The following DSCAM variants were observed in gnomAD, a reference collection of about 807,000 sequenced individuals.
DSCAM encodes the protein cell adhesion molecule DSCAM.
In DSCAM, 47 loss-of-function variants were observed where a neutral mutation model predicts 217.7. That is an observed-to-expected ratio of 0.22 (90% CI 0.17 to 0.28). The LOEUF is 0.28. Ranked by LOEUF, DSCAM falls within the 10% of genes least tolerant of loss-of-function variation. The pLI is 1.00. For missense variants in DSCAM, 2,080 were observed against 2,618.3 expected (o/e 0.79, Z 4.49); for synonymous variants, 1,056 against 1,015.3 (o/e 1.04, Z -0.76).
At chr21:40,657,168 A>G (rs1279960718) in intron 3 of DSCAM, among the ~76,000 whole-genome samples, 1 of 152,160 alleles carries the variant, frequency 6.6e-6, no homozygotes, top group African/African-American at 2.4e-5. Context: ...TCCTAGGTGG[A>G]TATCTTTCTG....
At chr21:40,322,778 G>A (rs996051911) in intron 8 of DSCAM, among the ~76,000 whole-genome samples, 2 of 152,158 alleles carry the variant, frequency 1.3e-5, no homozygotes, top group Non-Finnish European at 2.9e-5. Flanking sequence ...ACCCGCCTCG[G>A]CCTCCCAAAG....
intron 3 of DSCAM, among the ~76,000 whole-genome samples, chr21:40,403,629 GCACACACACA>G (rs3069908): frequency 0.011 from 1,629 of 145,884 alleles, 21 homozygotes; most frequent in East Asian, 0.026. Flanking sequence ...GCATGCATGT[GCACACACACA>G]CACACACACA....
intron 1 of DSCAM, among the ~76,000 whole-genome samples, chr21:40,833,276 T>G (rs1193465669): frequency 1.3e-5 from 2 of 151,968 alleles, no homozygotes; most frequent in Non-Finnish European, 2.9e-5. Flanking sequence ...TTCCCAGAGG[T>G]CTCTCCAGTC....
At position 40,807,990 on chromosome 21, in the gene DSCAM, C is replaced by T. The variant is rs559198348; in HGVS notation, c.43+38629G>A. 2.6e-5 allele frequency among the ~76,000 whole-genome samples: 4 copies of T among 152,252 alleles called. No homozygotes were observed. The East Asian group carries it at 5.8e-4, about 22-fold the overall frequency. ...AGATTCCTACTTCTGGGCCTAAGTA[C>T]ACATCTCCTCATCTGCTGAGTGTGT... On this transcript the variant is annotated intron_variant, in intron 1 of 32. Transcript: ENST00000400454.
chr21:40,048,712 G>A (rs1173363037), intron 30 of DSCAM, among the ~76,000 whole-genome samples: 1 of 152,186 alleles, frequency 6.6e-6, no homozygotes, highest in Non-Finnish European at 1.5e-5. Flanking sequence ...TGAGAAAATA[G>A]AGAATACAAA....
chr21:40,387,060 AT>A (rs2075092965), intron 3 of DSCAM, among the ~76,000 whole-genome samples: 1 of 152,172 alleles, frequency 6.6e-6, no homozygotes, highest in Non-Finnish European at 1.5e-5. Flanking sequence ...AAAACTAATT[AT>A]TTTGAAAACT....
intron 3 of DSCAM, among the ~76,000 whole-genome samples, chr21:40,623,562 T>C (rs1170695486): frequency 1.7e-4 from 26 of 152,348 alleles, no homozygotes; most frequent in East Asian, 1.9e-4. Context: ...AAAGGTGAAG[T>C]CTATCTGTAA....
chr21:40,389,557 C>A (rs2075115648), intron 3 of DSCAM, among the ~76,000 whole-genome samples: 14 of 152,138 alleles, frequency 9.2e-5, no homozygotes, highest in Admixed American at 9.2e-4. Context: ...TTCTCCAAAT[C>A]ATTTTAACCA....
At position 40,307,990 on chromosome 21, in the gene DSCAM, G is replaced by A. The variant is rs192356855; in HGVS notation, c.2062+4091C>T. On this transcript the variant is annotated intron_variant, in intron 9 of 32. Transcript: ENST00000400454. ...GGAGATATACCTAATGCTAGATGAC[G>A]AGTTGATGGGTGCAGCACACCAGCA... Among the ~76,000 whole-genome samples the A allele has an allele frequency of 8.6e-5, 13 of 151,192 alleles. 1 individual carries two copies. In the East Asian group the frequency reaches 2.5e-3, roughly 30 times the overall value.
At chr21:40,477,646 TAC>T (rs1306138619) in intron 3 of DSCAM, among the ~76,000 whole-genome samples, 3 of 152,198 alleles carry the variant, frequency 2.0e-5, no homozygotes, top group Non-Finnish European at 4.4e-5. Flanking sequence ...GGAACTGAAT[TAC>T]ACACAGTGTT....
At chr21:40,644,403 C>CAAGGGTT (rs1225528134) in intron 3 of DSCAM, among the ~76,000 whole-genome samples, 1 of 152,122 alleles carries the variant, frequency 6.6e-6, no homozygotes, top group African/African-American at 2.4e-5. Flanking sequence ...TTAGGGTAAC[C>CAAGGGTT]AAGGGTTAAG....
chr21:40,278,741 GGAGGAGGAGGAA>G, intron 10 of DSCAM, among the ~76,000 whole-genome samples: 1 of 151,976 alleles, frequency 6.6e-6, no homozygotes, highest in South Asian at 2.1e-4. Context: ...AAGAGAAGGA[GGAGGAGGAGGAA>G]GAGGAGGAGG....
chr21:40,042,940 C>T (rs1329356004), intron 31 of DSCAM, among the ~76,000 whole-genome samples: 4 of 147,144 alleles, frequency 2.7e-5, no homozygotes, highest in African/African-American at 4.9e-5. Flanking sequence ...ATAAATAACG[C>T]CTTCCCTTTA....
chr21:40,353,514 C>T lies in DSCAM; in HGVS notation c.885G>A (p.Val295=). ...PSDSGSYVCE[V]SNRYGTAKVI... ...CCTTAGCAGTTCCGTATCTGTTGGACACTTCACAAACATAGCTGCCTGAGT... is the reference window on the plus strand; with the variant it reads ...CCTTAGCAGTTCCGTATCTGTTGGATACTTCACAAACATAGCTGCCTGAGT... The change falls in exon 5 of 33, where the codon GTG becomes GTA. Residue 295 remains valine (V), a synonymous_variant. Coordinates refer to ENST00000400454, the MANE Select transcript of DSCAM (RefSeq NM_001389.5). 1 of 1,612,228 alleles carries T rather than the reference C, an allele frequency of 6.2e-7. No individual in the cohort carries two copies. The highest frequency in any genetic ancestry group is 8.5e-7 in the Non-Finnish European group (1 of 1,179,336).
intron 11 of DSCAM, among the ~76,000 whole-genome samples, chr21:40,222,904 T>C (rs1490197753): frequency 2.6e-5 from 4 of 152,248 alleles, no homozygotes; most frequent in Non-Finnish European, 5.9e-5. Context: ...AAATCTATAC[T>C]GATCTGTATT....
intron 9 of DSCAM, among the ~76,000 whole-genome samples, chr21:40,306,672 A>G (rs949646976): frequency 1.8e-4 from 27 of 151,920 alleles, no homozygotes; most frequent in Admixed American, 1.2e-3. Context: ...AATTTTGTCA[A>G]AGGCCTTTTC....
At chr21:40,341,738 GAATAT>G (rs887601670) in intron 6 of DSCAM, among the ~76,000 whole-genome samples, 19 of 152,242 alleles carry the variant, frequency 1.2e-4, no homozygotes, top group East Asian at 3.9e-4. Flanking sequence ...AGTACACTTA[GAATAT>G]AATTAGAAGA....
intron 20 of DSCAM, among the ~76,000 whole-genome samples, chr21:40,098,039 C>A (rs529139274): frequency 2.1e-5 from 3 of 139,890 alleles, no homozygotes; most frequent in Non-Finnish European, 3.1e-5. Context: ...TATAAAAACA[C>A]AAATAGGTTA....
At chr21:40,687,138 C>T (rs1416101253) in intron 3 of DSCAM, among the ~76,000 whole-genome samples, 3 of 152,076 alleles carry the variant, frequency 2.0e-5, no homozygotes, top group East Asian at 1.9e-4. Flanking sequence ...CATACAAAGA[C>T]AGATAGCTAG....
Sources: allele counts gnomAD v4.1 joint callset (sites outside exome capture counted in the v4.1 genomes callset), GRCh38; gene constraint gnomAD v4.1.1; transcripts MANE v1.5; gene names NCBI Gene and HGNC (gene_info 2026-07-23, HGNC 2026-07-21).